CCDC57: variants seen among roughly 807,000 people sequenced by gnomAD.
CCDC57 encodes the protein coiled-coil domain containing 57, also known as coiled-coil domain-containing protein 57.
A neutral mutation model predicts 118.9 loss-of-function variants in CCDC57; 118 were observed. The ratio of observed to expected loss-of-function variants is 0.99; its 90% CI spans 0.86 to 1.16. The LOEUF is 1.16. Among genes scored for constraint, CCDC57 ranks in the 50% most tolerant of loss-of-function variants. CCDC57 has a pLI of 0.00. For missense variants in CCDC57, 1,300 were observed against 1,320.7 expected, an observed-to-expected ratio of 0.98 and a Z score of 0.24; for synonymous variants, 527 against 532.9, an observed-to-expected ratio of 0.99 and a Z score of 0.15.
rs1479569090 is a variant in CCDC57 at position 82,179,314 on chromosome 17, G to A, written c.1212-125C>T. The A allele has an allele frequency of 8.7e-6, 9 of 1,034,696 alleles. No individual in the cohort carries two copies. In the Admixed American group the frequency reaches 2.5e-4, roughly 29 times the overall value. 64.1% of individuals were successfully genotyped at this position (1,034,696 alleles called of 1,614,324 possible). A position where few individuals can be genotyped will look rare whatever the true frequency, so the allele number is the denominator to read the frequency against. ...CCTGCTCTCGCATGGCCTGCGCTGG[G>A]CTGACATGCTCCCGAGCTCCTGTGG... On this transcript the variant is annotated intron_variant, in intron 9 of 19. Transcript: ENST00000665763.
chr17:82,182,893 C>T (rs1383041466), intron 9 of CCDC57, among the ~76,000 whole-genome samples: 1 of 151,912 alleles, frequency 6.6e-6, no homozygotes, highest in Non-Finnish European at 1.5e-5. Flanking sequence ...ACCATGTTGG[C>T]CAGGCTGGTC....
At chr17:82,145,929 C>T (rs118080216) in intron 16 of CCDC57, 3,722 of 349,630 alleles carry the variant, frequency 0.011, 39 homozygotes, top group Non-Finnish European at 0.014. Flanking sequence ...CGCCCCGGCA[C>T]CTCCCCCCAC....
chr17:82,108,149 A>G (rs576230720), intron 19 of CCDC57, among the ~76,000 whole-genome samples: 45 of 152,340 alleles, frequency 3.0e-4, no homozygotes, highest in African/African-American at 9.6e-4. Flanking sequence ...CCCCTTGGCC[A>G]GGCCGCAGTC....
chr17:82,208,570 A>G (rs2049939123), intron 1 of CCDC57, among the ~76,000 whole-genome samples: 2 of 152,148 alleles, frequency 1.3e-5, no homozygotes, highest in South Asian at 4.1e-4. Context: ...CCCTTAACTT[A>G]TAAGACACTT....
intron 16 of CCDC57, among the ~76,000 whole-genome samples, chr17:82,141,898 C>T (rs1228461779): frequency 6.6e-6 from 1 of 152,172 alleles, no homozygotes; most frequent in East Asian, 1.9e-4. Flanking sequence ...TATCTGCGTC[C>T]AGCCCCTCAT....
rs1444065400 is a variant in CCDC57, at chr17:82,157,733, C to T, written c.2241+15G>A. ...GAACCTCGGCGGGTGGCAGGAGGAG[C>T]TAGCGGGCACCCACCTCTCTCCCAA... is the stretch of plus-strand genomic sequence containing the variant. On this transcript the variant is annotated intron_variant, in intron 15 of 19. Coordinates refer to ENST00000665763, the Ensembl canonical transcript of CCDC57. 1.9e-6 allele frequency: 3 copies of T among 1,566,664 alleles called. No homozygotes were observed. The South Asian group carries it at 3.5e-5, about 18-fold the overall frequency.
chr17:82,164,916 T>C (rs531205394), intron 13 of CCDC57, among the ~76,000 whole-genome samples: 1 of 152,336 alleles, frequency 6.6e-6, no homozygotes, highest in African/African-American at 2.4e-5. Flanking sequence ...TTCCAACATA[T>C]TTATGAGGCC....
chr17:82,101,742 A>T lies in CCDC57; in HGVS notation c.3024T>A (p.Pro1008=), dbSNP rs771727603. 1.4e-5 allele frequency: 23 copies of T among 1,608,586 alleles called. No homozygotes were observed. The South Asian group carries it at 2.3e-4, about 16-fold the overall frequency. The change falls in exon 20 of 20, where the codon CCT becomes CCA. Residue 1008 remains proline (P), a synonymous_variant. Coordinates refer to ENST00000665763, the Ensembl canonical transcript of CCDC57. ...GCCTCTGGCAGCCTTTAGCTTTTGC[A>T]GGATGAGACCGGGAGGCTCCTGTGG...
intron 3 of CCDC57, 74 bp downstream of exon 2, chr17:82,201,464 G>A: frequency 6.9e-7 from 1 of 1,451,662 alleles, no homozygotes; most frequent in Non-Finnish European, 9.1e-7. Context: ...TGCTCGGGCA[G>A]CACAGCGGAG....
At chr17:82,128,548 T>A in exon 18 of CCDC57, 1 of 1,574,894 alleles carries the variant, frequency 6.3e-7, no homozygotes, top group Non-Finnish European at 8.6e-7. Context: ...GCGGGGCTGG[T>A]GCTTTCCCAA....
chr17:82,178,821 A>G (rs1213108253), intron 10 of CCDC57, among the ~76,000 whole-genome samples: 1 of 152,270 alleles, frequency 6.6e-6, no homozygotes, highest in Non-Finnish European at 1.5e-5. Context: ...CGGCTGGTCA[A>G]CTACAGAAAC....
At chr17:82,117,252 TGAGG>T (rs2036041819) in intron 19 of CCDC57, among the ~76,000 whole-genome samples, 1 of 151,994 alleles carries the variant, frequency 6.6e-6, no homozygotes, top group Non-Finnish European at 1.5e-5. Flanking sequence ...CTCCAGGGGC[TGAGG>T]TGGGAGGATC....
At chr17:82,164,790 C>A (rs1186866590) in intron 13 of CCDC57, among the ~76,000 whole-genome samples, 1 of 152,144 alleles carries the variant, frequency 6.6e-6, no homozygotes, top group Non-Finnish European at 1.5e-5. Context: ...TAAACCTTCC[C>A]ACAAGGAAAA....
chr17:82,117,751 A>AAACAAACAAACC (rs2036111518), intron 19 of CCDC57, among the ~76,000 whole-genome samples: 1 of 152,104 alleles, frequency 6.6e-6, no homozygotes, highest in African/African-American at 2.4e-5. Context: ...GCCAACAAAC[A>AAACAAACAAACC]AACAAACAAA....
In CCDC57 at chr17:82,200,911, C is replaced by A. The variant is rs544669824; in HGVS notation, c.407+627G>T. ...AGCATGCAGCCGGCTCTCCTAACGT[C>A]TGTACACACGCATCACACAGGAAGG... On this transcript the variant is annotated intron_variant, in intron 3 of 19. Transcript: ENST00000665763. 1.4e-4 allele frequency among the ~76,000 whole-genome samples: 21 copies of A among 152,344 alleles called. No individual in the cohort carries two copies. The South Asian group carries it at 4.4e-3, about 32-fold the overall frequency.
At chr17:82,133,795 G>A (rs570189451) in intron 17 of CCDC57, among the ~76,000 whole-genome samples, 2 of 152,162 alleles carry the variant, frequency 1.3e-5, no homozygotes, top group African/African-American at 4.8e-5. Flanking sequence ...GGGAGGGGGA[G>A]GTTGTAGTGA....
At position 82,102,737 on chromosome 17, in the gene CCDC57, T is replaced by C. The variant is rs558727733; in HGVS notation, c.2900-871A>G. On this transcript the variant is annotated intron_variant, in intron 19 of 19. Transcript: ENST00000665763. ...CGTCTCTACTAAAAATACAAAAAAT[T>C]AGCCGGGCACGGTGGCGGGCACCTG... Among the ~76,000 whole-genome samples, 157 of 152,036 alleles carry C rather than the reference T, an allele frequency of 1.0e-3. 2 individuals are homozygous for C. The highest frequency in any genetic ancestry group is 3.7e-3 in the African/African-American group (155 of 41,464).
At chr17:82,194,656 A>G (rs541881861) in intron 5 of CCDC57, among the ~76,000 whole-genome samples, 2 of 152,298 alleles carry the variant, frequency 1.3e-5, no homozygotes, top group Admixed American at 6.5e-5. Context: ...AAATCAGTCT[A>G]TTAGGGTGCC....
intron 19 of CCDC57, chr17:82,106,367 A>G (rs1319015801): frequency 6.6e-6 from 1 of 152,364 alleles, no homozygotes; most frequent in Non-Finnish European, 1.5e-5. Flanking sequence ...TCCCGACCAG[A>G]GCCCATCTGA....
Sources: allele counts gnomAD v4.1 joint callset (sites outside exome capture counted in the v4.1 genomes callset), GRCh38; gene constraint gnomAD v4.1.1; transcripts MANE v1.5; gene names NCBI Gene and HGNC (gene_info 2026-07-23, HGNC 2026-07-21).